ZNF585B: variants seen among roughly 807,000 people sequenced by gnomAD.
The protein encoded by ZNF585B is zinc finger protein 585B, also known as zinc finger protein 41-like protein.
In ZNF585B, 7 loss-of-function variants were observed where a neutral mutation model predicts 14.0. The ratio of observed to expected loss-of-function variants is 0.50; its 90% CI spans 0.28 to 0.94. The LOEUF (loss-of-function observed/expected upper bound fraction) is 0.94. Ranked by LOEUF, ZNF585B falls within the 40% of genes least tolerant of loss-of-function variation. The pLI is 0.09. For missense variants in ZNF585B, 750 were observed against 924.4 expected, an observed-to-expected ratio of 0.81 and a Z score of 2.45; for synonymous variants, 290 against 317.3, an observed-to-expected ratio of 0.91 and a Z score of 0.91.
chr19:37,198,155 A>C (rs1163858774), intron 2 of ZNF585B, among the ~76,000 whole-genome samples: 2 of 151,838 alleles, frequency 1.3e-5, no homozygotes, highest in African/African-American at 2.4e-5. Context: ...CTGAATAGAG[A>C]GCTTATTTAT....
intron 2 of ZNF585B, among the ~76,000 whole-genome samples, chr19:37,193,398 G>A (rs537576990): frequency 9.7e-4 from 147 of 151,668 alleles, no homozygotes; most frequent in African/African-American, 3.3e-3. Flanking sequence ...GTGAACCCGG[G>A]AGGCAGAGCT....
At chr19:37,194,570 G>A (rs959428352) in intron 2 of ZNF585B, among the ~76,000 whole-genome samples, 2 of 152,012 alleles carry the variant, frequency 1.3e-5, no homozygotes, top group Non-Finnish European at 1.5e-5. Flanking sequence ...CCAAAATCAC[G>A]CCATTGCACT....
At chr19:37,191,745 C>A (rs994617040) in intron 2 of ZNF585B, among the ~76,000 whole-genome samples, 10 of 152,010 alleles carry the variant, frequency 6.6e-5, no homozygotes, top group African/African-American at 2.4e-4. Flanking sequence ...TTGAAATAGG[C>A]TGTCTTGGCT....
In ZNF585B at chr19:37,184,434, AAGAAAGAAGGAAAG is replaced by A. The variant is rs1972301130; in HGVS notation, c.*779_*792del. The A allele has an allele frequency of 4.9e-5, 4 of 82,236 alleles. No individual in the cohort carries two copies. In the South Asian group the frequency reaches 1.5e-3, roughly 32 times the overall value. The allele number at this position is 82,236 out of a possible 1,614,324, so 5.1% of individuals were successfully genotyped here. A position where few individuals can be genotyped will look rare whatever the true frequency, so the allele number is the denominator to read the frequency against. On this transcript the variant is annotated 3_prime_UTR_variant, in exon 5 of 5. Transcript: ENST00000532828. The stretch of plus-strand genomic sequence containing the variant: ...AAAGAAAGAGAAAGAAAGAAAAAGA[AAGAAAGAAGGAAAG>A]AAAGAAAGAAAGAAAGAAAGAAAGA...
chr19:37,193,516 G>A (rs1485443135), intron 2 of ZNF585B, among the ~76,000 whole-genome samples: 3 of 150,504 alleles, frequency 2.0e-5, no homozygotes, highest in East Asian at 2.0e-4. Flanking sequence ...AGGGGCTCAC[G>A]CCTATAGTCA....
intron 4 of ZNF585B, among the ~76,000 whole-genome samples, chr19:37,188,164 C>A (rs1055648043): frequency 2.6e-5 from 4 of 152,140 alleles, no homozygotes; most frequent in African/African-American, 9.7e-5. Context: ...CAAACCTCAT[C>A]AGGTGAAATA....
intron 2 of ZNF585B, among the ~76,000 whole-genome samples, chr19:37,200,217 A>C (rs1168400871): frequency 6.6e-6 from 1 of 151,962 alleles, no homozygotes; most frequent in African/African-American, 2.4e-5. Flanking sequence ...GCAACACAGA[A>C]ATAAAGGTCT....
chr19:37,185,271 C>A lies in ZNF585B; in HGVS notation c.2266G>T (p.Val756Phe), dbSNP rs772866995. The A allele has an allele frequency of 1.2e-6, 2 of 1,613,738 alleles. No individual in the cohort carries two copies. The highest frequency in any genetic ancestry group is 2.7e-5 in the African/African-American group (2 of 74,926). The part of the protein sequence containing the change: ...YKCGICGKGF[V>F]QKSVFSVHQS... ...TGAACACTGAACACTGATTTCTGAA[C>A]GAAGCCTTTCCCACAGATGCCACAC... Residue 756 changes from valine (V) to phenylalanine (F), a missense_variant, in exon 5 of 5, where the codon GTT becomes TTT. This residue lies in a region of ZNF585B where 233 missense variants were observed against 354.1 expected (regional missense o/e 0.66). Coordinates refer to ENST00000532828, the MANE Select transcript of ZNF585B (RefSeq NM_152279.4).
In ZNF585B at chr19:37,185,943, T is replaced by G; in HGVS notation, c.1594A>C (p.Thr532Pro). 6.2e-7 allele frequency: 1 copy of G among 1,614,124 alleles called. No individual in the cohort carries two copies. Among genetic ancestry groups the G allele is most frequent in the South Asian group, 1.1e-5 (1 of 91,084 alleles). ...TGTATATTAAGATTTGACTTCTGAG[T>G]AAAGGCTTTTCCACAAGTATTGCAT... ...YECNTCGKAF[T>P]QKSNLNIHQK... The change falls in exon 5 of 5, where the codon ACT becomes CCT. Residue 532 changes from threonine (T) to proline (P), a missense_variant. Around this residue, in one of 2 missense-constraint regions of ZNF585B, gnomAD observed 233 missense variants for 354.1 expected, o/e 0.66. Coordinates refer to ENST00000532828, the MANE Select transcript of ZNF585B (RefSeq NM_152279.4).
rs1568505133 is a variant in ZNF585B, at chr19:37,184,508, A to AAGAAAAAGAAAG, written c.*718_*719insCTTTCTTTTTCT. On this transcript the variant is annotated 3_prime_UTR_variant, in exon 5 of 5. Coordinates refer to ENST00000532828, the MANE Select transcript of ZNF585B (RefSeq NM_152279.4). ...AGAAAGAAAGAAAGAAAGAAAGAGA[A>AAGAAAAAGAAAG]AGAAAGAAAGAAAAAGAAAAAACAC... 1.1e-4 allele frequency: 15 copies of AAGAAAAAGAAAG among 141,030 alleles called. No homozygotes were observed. The highest frequency in any genetic ancestry group is 4.0e-4 in the African/African-American group (15 of 37,302). 8.7% of individuals were successfully genotyped at this position (141,030 alleles called of 1,614,324 possible). A position where few individuals can be genotyped will look rare whatever the true frequency, so the allele number is the denominator to read the frequency against.
At chr19:37,201,822 A>G (rs1972533468) in intron 2 of ZNF585B, among the ~76,000 whole-genome samples, 1 of 152,176 alleles carries the variant, frequency 6.6e-6, no homozygotes, top group Admixed American at 6.6e-5. Context: ...GCATAAGGTA[A>G]ATTACTTCTC....
Position 37,209,456 on chromosome 19 carries a change from T to C in ZNF585B, c.-144+985A>G, listed in dbSNP as rs111751851. Among the ~76,000 whole-genome samples the C allele has an allele frequency of 6.8e-3, 1,033 of 152,168 alleles. 16 individuals are homozygous for C. Among genetic ancestry groups the C allele is most frequent in the African/African-American group, 0.024 (993 of 41,522 alleles). On this transcript the variant is annotated intron_variant, in intron 1 of 4. Transcript: ENST00000532828. ...TCCCAATAATATAGTTTTAAATATA[T>C]AAAGCAGAAACAGAAGAAAGGACAG...
chr19:37,197,716 T>C (rs989121145), intron 2 of ZNF585B, among the ~76,000 whole-genome samples: 3 of 152,242 alleles, frequency 2.0e-5, no homozygotes, highest in Non-Finnish European at 2.9e-5. Flanking sequence ...TTGATTTGCA[T>C]TTCTCTGATG....
chr19:37,199,012 T>C (rs1162573349), intron 2 of ZNF585B: 2 of 1,531,808 alleles, frequency 1.3e-6, no homozygotes, highest in South Asian at 1.2e-5. Flanking sequence ...ATTGTGCTTA[T>C]AGGGCTCAGA....
Position 37,185,276 on chromosome 19 carries a change from C to G in ZNF585B, c.2261G>C (p.Gly754Ala), listed in dbSNP as rs371447437. ...ACTGAACACTGATTTCTGAACGAAG[C>G]CTTTCCCACAGATGCCACACTTGTA... is the stretch of plus-strand genomic sequence containing the variant. ...KPYKCGICGK[G>A]FVQKSVFSVH... Residue 754 changes from glycine (G) to alanine (A), a missense_variant, in exon 5 of 5, where the codon GGC becomes GCC. Physicochemically the swap from Gly to Ala is moderately conservative, Grantham distance 60. This residue lies in a region of ZNF585B where 233 missense variants were observed against 354.1 expected (regional missense o/e 0.66). Transcript: ENST00000532828. The G allele has an allele frequency of 1.2e-4, 187 of 1,613,824 alleles. No homozygotes were observed. Among genetic ancestry groups the G allele is most frequent in the Non-Finnish European group, 1.5e-4 (180 of 1,179,910 alleles).
At chr19:37,206,070 A>C (rs977625391) in intron 2 of ZNF585B, among the ~76,000 whole-genome samples, 1 of 151,792 alleles carries the variant, frequency 6.6e-6, no homozygotes, top group East Asian at 1.9e-4. Context: ...ACAAGAGCAA[A>C]ACTCCATCAA....
intron 4 of ZNF585B, among the ~76,000 whole-genome samples, chr19:37,188,561 C>T (rs553248833): frequency 6.6e-6 from 1 of 151,132 alleles, no homozygotes; most frequent in East Asian, 2.0e-4. Flanking sequence ...CCCAGCTACT[C>T]GGGAGGCTGA....
chr19:37,188,625 C>A (rs922982206), intron 4 of ZNF585B, among the ~76,000 whole-genome samples: 8 of 152,072 alleles, frequency 5.3e-5, no homozygotes, highest in African/African-American at 1.9e-4. Flanking sequence ...GCCAAGATTG[C>A]GCCACTATAC....
chr19:37,207,333 G>A, intron 1 of ZNF585B, 79 bp from the exon 2 acceptor site: 1 of 1,141,626 alleles, frequency 8.8e-7, no homozygotes, highest in East Asian at 2.9e-5. Flanking sequence ...GCAGGTCCCT[G>A]CGCTAGAAAC....
Sources: allele counts gnomAD v4.1 joint callset (sites outside exome capture counted in the v4.1 genomes callset), GRCh38; gene constraint gnomAD v4.1.1; regional missense constraint gnomAD v4.1.1; transcripts MANE v1.5; gene names NCBI Gene and HGNC (gene_info 2026-07-23, HGNC 2026-07-21).